TXK: variants seen among roughly 807,000 people sequenced by gnomAD.
The protein encoded by TXK is tyrosine-protein kinase TXK.
Under a neutral mutation model 81.0 loss-of-function variants are expected in TXK, and 60 were observed. The observed-to-expected ratio is 0.74, with a 90% CI of 0.60 to 0.92. The LOEUF (loss-of-function observed/expected upper bound fraction) is 0.92. TXK is among the 40% of genes least tolerant of loss of function. The pLI, the probability that TXK is intolerant of heterozygous loss-of-function variation, is 0.00. For missense variants in TXK, 581 were observed against 638.3 expected (o/e 0.91, Z 0.97); for synonymous variants, 203 against 210.7 (o/e 0.96, Z 0.32).
At chr4:48,100,171 C>CAAAAAAAAAAA (rs11341305) in intron 6 of TXK, among the ~76,000 whole-genome samples, 1 of 53,932 alleles carries the variant, frequency 1.9e-5, no homozygotes, top group Non-Finnish European at 3.1e-5. Context: ...GACTCCATCT[C>CAAAAAAAAAAA]AAAAAAAAAA....
intron 1 of TXK, among the ~76,000 whole-genome samples, chr4:48,114,942 T>C (rs1718757321): frequency 6.6e-6 from 1 of 152,140 alleles, no homozygotes; most frequent in South Asian, 2.1e-4. Context: ...TTAAAAAAAA[T>C]ATTCTGGTGT....
intron 1 of TXK, among the ~76,000 whole-genome samples, chr4:48,131,689 G>T (rs1283390110): frequency 1.3e-5 from 2 of 152,114 alleles, no homozygotes; most frequent in African/African-American, 4.8e-5. Context: ...CCGCCAATAG[G>T]TAGTCCCTTA....
Position 48,068,280 on chromosome 4 carries a change from T to G in TXK, c.1516-575A>C, listed in dbSNP as rs564508006. Among the ~76,000 whole-genome samples the G allele has an allele frequency of 2.6e-5, 4 of 152,208 alleles. No individual in the cohort carries two copies. The South Asian group carries it at 8.3e-4, about 32-fold the overall frequency. ...AGAGATATATTTGAATGACTTGACA[T>G]GTGTGAGGTAAAGAAAGGGCTGGGA... On this transcript the variant is annotated intron_variant, in intron 14 of 14. Transcript: ENST00000264316.
intron 7 of TXK, among the ~76,000 whole-genome samples, chr4:48,094,713 C>T (rs1717914051): frequency 6.6e-6 from 1 of 152,210 alleles, no homozygotes. Context: ...AACTCCCATT[C>T]TCTTTAACCT....
chr4:48,100,921 A>AT (rs1404280691), intron 6 of TXK, among the ~76,000 whole-genome samples: 4 of 151,910 alleles, frequency 2.6e-5, no homozygotes, highest in Admixed American at 6.6e-5. Flanking sequence ...TATGTAAAAA[A>AT]ATATATATAT....
intron 8 of TXK, among the ~76,000 whole-genome samples, chr4:48,093,673 A>C (rs935613090): frequency 1.3e-5 from 2 of 152,222 alleles, no homozygotes; most frequent in Non-Finnish European, 1.5e-5. Flanking sequence ...TGAGAGATAT[A>C]AGGGTGATTT....
chr4:48,120,108 TATAC>T (rs1718908536), intron 1 of TXK, among the ~76,000 whole-genome samples: 1 of 151,308 alleles, frequency 6.6e-6, no homozygotes, highest in Non-Finnish European at 1.5e-5. Context: ...CAAATATACG[TATAC>T]ATACACATAC....
chr4:48,101,841 GACC>G (rs985048260), intron 6 of TXK, among the ~76,000 whole-genome samples: 11 of 150,574 alleles, frequency 7.3e-5, no homozygotes, highest in African/African-American at 2.2e-4. Flanking sequence ...TGAGAAATGT[GACC>G]ACATTAACCT....
At chr4:48,079,678 C>T (rs1717215312) in intron 11 of TXK, among the ~76,000 whole-genome samples, 1 of 152,190 alleles carries the variant, frequency 6.6e-6, no homozygotes, top group African/African-American at 2.4e-5. Context: ...TTCCTCTGTC[C>T]TGATAAATCG....
At chr4:48,095,314 A>G (rs566485403) in intron 6 of TXK, 92 bp from the exon 7 acceptor site, 7 of 916,732 alleles carry the variant, frequency 7.6e-6, no homozygotes, top group African/African-American at 6.7e-5. Flanking sequence ...ATATTGACTT[A>G]CCATAAATAA....
intron 6 of TXK, among the ~76,000 whole-genome samples, chr4:48,103,633 T>G (rs1718286398): frequency 6.6e-6 from 1 of 152,246 alleles, no homozygotes; most frequent in South Asian, 2.1e-4. Context: ...ACCTAGTTTC[T>G]AGTTCTGACT....
intron 12 of TXK, among the ~76,000 whole-genome samples, chr4:48,075,556 A>AG (rs1717033878): frequency 6.6e-6 from 1 of 152,130 alleles, no homozygotes; most frequent in Admixed American, 6.5e-5. Context: ...GGGCTGAGGC[A>AG]GGAGGATAGC....
chr4:48,106,573 T>C (rs1295998097), intron 5 of TXK, among the ~76,000 whole-genome samples: 1 of 152,162 alleles, frequency 6.6e-6, no homozygotes, highest in Non-Finnish European at 1.5e-5. Flanking sequence ...GTATGTTATG[T>C]GAACACCTCT....
chr4:48,130,586 C>T (rs549090129), intron 1 of TXK, among the ~76,000 whole-genome samples: 1 of 152,318 alleles, frequency 6.6e-6, no homozygotes. Context: ...TTACCATATT[C>T]TAATCACAAG....
At chr4:48,103,785 C>A (rs898354029) in intron 6 of TXK, among the ~76,000 whole-genome samples, 1 of 152,150 alleles carries the variant, frequency 6.6e-6, no homozygotes, top group African/African-American at 2.4e-5. Flanking sequence ...TTCCAAAGAA[C>A]AAAGAAACTG....
chr4:48,089,845 A>G (rs370073851), intron 8 of TXK, 21 bp from the exon 9 acceptor site: 184 of 1,572,730 alleles, frequency 1.2e-4, no homozygotes, highest in Middle Eastern at 8.4e-4. Flanking sequence ...AGAGAAATCA[A>G]TATTTCAAGC....
chr4:48,091,574 T>C (rs1717777803), intron 8 of TXK, among the ~76,000 whole-genome samples: 1 of 151,988 alleles, frequency 6.6e-6, no homozygotes, highest in Non-Finnish European at 1.5e-5. Flanking sequence ...GGTGTGATCT[T>C]GGATCACTGC....
At chr4:48,112,593 CT>C in intron 3 of TXK, 81 bp from the exon 4 acceptor site, 1 of 1,410,978 alleles carries the variant, frequency 7.1e-7, no homozygotes, top group Non-Finnish European at 9.5e-7. Context: ...GCATATTTGC[CT>C]TCTGCCTCAC....
intron 10 of TXK, among the ~76,000 whole-genome samples, chr4:48,080,737 A>G (rs1717269981): frequency 6.6e-6 from 1 of 151,692 alleles, no homozygotes. Context: ...AAATATACCC[A>G]GAACTTTTTA....
Sources: allele counts gnomAD v4.1 joint callset (sites outside exome capture counted in the v4.1 genomes callset), GRCh38; gene constraint gnomAD v4.1.1; transcripts MANE v1.5; gene names NCBI Gene and HGNC (gene_info 2026-07-23, HGNC 2026-07-21).